Variants in HCN4 observed in about 807,000 individuals in gnomAD.
HCN4 encodes the protein hyperpolarization activated cyclic nucleotide gated potassium channel 4, also known as potassium/sodium hyperpolarization-activated cyclic nucleotide-gated channel 4.
In HCN4, 29 loss-of-function variants were observed where a neutral mutation model predicts 76.9. That is an observed-to-expected ratio of 0.38 (90% CI 0.28 to 0.51). HCN4 has a LOEUF of 0.51. Ranked by LOEUF, HCN4 falls within the 20% of genes least tolerant of loss-of-function variation. HCN4 has a pLI of 0.90. For synonymous variants in HCN4, 772 were observed against 762.5 expected (o/e 1.01, Z -0.21); for missense variants, 1,416 against 1,715.2 (o/e 0.83, Z 3.08).
At chr15:73,336,243 A>G (rs1247275744) in intron 2 of HCN4, among the ~76,000 whole-genome samples, 3 of 152,120 alleles carry the variant, frequency 2.0e-5, no homozygotes, top group African/African-American at 7.2e-5. Flanking sequence ...GGCAGCAGGA[A>G]TTCTGCTGAA....
intron 1 of HCN4, among the ~76,000 whole-genome samples, chr15:73,353,009 G>C (rs1253681182): frequency 9.9e-6 from 1 of 100,674 alleles, no homozygotes; most frequent in Non-Finnish European, 2.4e-5. Context: ...TGGACAGATG[G>C]ATGGATGGAT....
intron 4 of HCN4, among the ~76,000 whole-genome samples, chr15:73,327,802 C>G (rs927034004): frequency 2.6e-5 from 4 of 152,156 alleles, no homozygotes; most frequent in African/African-American, 9.7e-5. Context: ...CCTTCTCCTT[C>G]CTCTGCTTCC....
rs769526558 is a variant in HCN4, at chr15:73,329,579, CT to C, written c.1583del (p.Gln528ArgfsTer46). On this transcript the variant is annotated frameshift_variant, in exon 4 of 8. Transcript: ENST00000261917. LOFTEE classifies it high-confidence loss of function. ...QSLDSSRRQY[Q>X]EKYKQVEQYM... ...GCTCCCTGGGTAGACCTACCTTTTC[CT>C]GGTACTGGCGCCGGGAGGAGTCCAG... 6.2e-7 allele frequency: 1 copy of C among 1,614,050 alleles called. No homozygotes were observed. Among genetic ancestry groups the C allele is most frequent in the Non-Finnish European group, 8.5e-7 (1 of 1,179,978 alleles).
At chr15:73,349,765 C>T (rs558971032) in intron 1 of HCN4, among the ~76,000 whole-genome samples, 9 of 152,336 alleles carry the variant, frequency 5.9e-5, no homozygotes, top group African/African-American at 1.7e-4. Context: ...GCTGCTACCT[C>T]CTGCCTGTGG....
Position 73,367,500 on chromosome 15 carries a change from G to T in HCN4, c.771C>A (p.Pro257=). 1 of 1,613,780 alleles carries T rather than the reference G, an allele frequency of 6.2e-7. No individual in the cohort carries two copies. The highest frequency in any genetic ancestry group is 2.2e-5 in the East Asian group (1 of 44,872). The change falls in exon 1 of 8, where the codon CCC becomes CCA. Residue 257 remains proline, a synonymous_variant. Transcript: ENST00000261917. This position sits in a 1 kb window ranked among gnomAD's most constrained non-coding sequence, Gnocchi z 7.5. ...VKSAGFWIIH[P]YSDFRFYWDL... ...TGGCCCCTTACCTGAAGTCACTGTA[G>T]GGGTGGATAATCCAAAATCCGGCCG... is the stretch of plus-strand genomic sequence containing the variant.
chr15:73,322,709 G>A lies in HCN4; in HGVS notation c.3384C>T (p.Gly1128=). 6.4e-6 allele frequency: 10 copies of A among 1,567,256 alleles called. No homozygotes were observed. The highest frequency in any genetic ancestry group is 8.6e-6 in the Non-Finnish European group (10 of 1,156,542). ...GACCGAGGCCCCCGCTGCTCCCACT[G>A]CCCCCGCTGCCACCCCCAGCCCTGG... ...LFPRAGGGSG[G]SGSSGGLGPP... is the part of the protein sequence containing the mutation. Residue 1128 remains glycine (G), a synonymous_variant, in exon 8 of 8, where the codon GGC becomes GGT. Coordinates refer to ENST00000261917, the MANE Select transcript of HCN4 (RefSeq NM_005477.3).
At position 73,325,202 on chromosome 15, in the gene HCN4, G is replaced by T; in HGVS notation, c.1738-7C>A. 1 of 1,614,122 alleles carries T rather than the reference G, an allele frequency of 6.2e-7. No individual in the cohort carries two copies. Among genetic ancestry groups the T allele is most frequent in the Non-Finnish European group, 8.5e-7 (1 of 1,179,962 alleles). On this transcript the variant is annotated splice_polypyrimidine_tract_variant and splice_region_variant and intron_variant, in intron 5 of 7. Transcript: ENST00000261917. The surrounding 1 kb of genome is among the most constrained non-coding windows in gnomAD (Gnocchi z 7.4). Reference sequence around the variant, plus strand: ...AGTTAAAGTTGATGATCTCCTGCCGGACAGGGTGGATTGGGACACGGGAAG... The same window carrying T: ...AGTTAAAGTTGATGATCTCCTGCCGTACAGGGTGGATTGGGACACGGGAAG...
In HCN4 at chr15:73,323,420, C is replaced by T. The variant is rs191092709; in HGVS notation, c.2673G>A (p.Ser891=). The change falls in exon 8 of 8, where the codon TCG becomes TCA. Residue 891 remains serine (S), a synonymous_variant. Transcript: ENST00000261917. ...SPPPGACGSP[S]APTPSAGVAA... ...CTACGCCAGCTGATGGTGTGGGAGC[C>T]GAGGGGGAGCCACAGGCCCCGGGGG... 1.1e-3 allele frequency: 1,828 copies of T among 1,604,210 alleles called. 21 individuals carry two copies. The African/African-American group carries it at 0.022, about 20-fold the overall frequency.
At chr15:73,363,385 G>C (rs2043115153) in intron 1 of HCN4, among the ~76,000 whole-genome samples, 1 of 152,194 alleles carries the variant, frequency 6.6e-6, no homozygotes, top group Non-Finnish European at 1.5e-5. Context: ...CTAACTCTGA[G>C]CCCTGTTTTT....
In HCN4 at chr15:73,326,255, C is replaced by G. The variant is rs1203337082; in HGVS notation, c.1591-811G>C. Among the ~76,000 whole-genome samples the G allele has an allele frequency of 2.0e-5, 3 of 152,158 alleles. No homozygotes were observed. The South Asian group carries it at 6.2e-4, about 32-fold the overall frequency. On this transcript the variant is annotated intron_variant, in intron 4 of 7. Transcript: ENST00000261917. ...CCCGGATGGGAAGTAGAGGAAGTCCCTATCACCCCAGCAGCAATCAGAAAC... is the reference window on the plus strand; with the variant it reads ...CCCGGATGGGAAGTAGAGGAAGTCCGTATCACCCCAGCAGCAATCAGAAAC...
At position 73,322,342 on chromosome 15, in the gene HCN4, T is replaced by C; in HGVS notation, c.*139A>G. The C allele has an allele frequency of 1.3e-6, 1 of 794,018 alleles. No individual in the cohort carries two copies. Among genetic ancestry groups the C allele is most frequent in the South Asian group, 1.5e-5 (1 of 65,598 alleles). 49.2% of individuals were successfully genotyped at this position (794,018 alleles called of 1,614,324 possible). A position where few individuals can be genotyped will look rare whatever the true frequency, so the allele number is the denominator to read the frequency against. On this transcript the variant is annotated 3_prime_UTR_variant, in exon 8 of 8. Coordinates refer to ENST00000261917, the MANE Select transcript of HCN4 (RefSeq NM_005477.3). Reference sequence around the variant, plus strand: ...GCTCTAAGAATACCTGGTTATTTTCTGCTGTCTTTTGTTTTTCTGGTGTGT... The same window carrying C: ...GCTCTAAGAATACCTGGTTATTTTCCGCTGTCTTTTGTTTTTCTGGTGTGT...
Position 73,323,942 on chromosome 15 carries a change from C to G in HCN4, c.2151G>C (p.Lys717Asn), listed in dbSNP as rs1360972645. 3 of 1,605,122 alleles carry G rather than the reference C, an allele frequency of 1.9e-6. No homozygotes were observed. The highest frequency in any genetic ancestry group is 3.3e-5 in the Admixed American group (2 of 60,000). The change falls in exon 8 of 8, where the codon AAG (lysine) becomes AAC (asparagine). Residue 717 changes from lysine to asparagine, a missense_variant. Transcript: ENST00000261917. ...ALDRLDRIGK[K>N]NSILLHKVQH... ...GGACTTTGTGGAGGAGGATGGAGTT[C>G]TTCTTGCCTGGGCCACAGAACAAGA... is the stretch of plus-strand genomic sequence containing the variant.
intron 1 of HCN4, among the ~76,000 whole-genome samples, chr15:73,355,848 A>G (rs2043076411): frequency 6.6e-6 from 1 of 152,174 alleles, no homozygotes; most frequent in African/African-American, 2.4e-5. Flanking sequence ...ATGTTCCCTC[A>G]GGCCAGGGCC....
chr15:73,343,136 G>A lies in HCN4; in HGVS notation c.1209+249C>T, dbSNP rs547491185. Reference sequence around the variant, plus strand: ...AATATTTCTGTCTGTTTCTTCAGGTGAAAAATGAGTATATACATGTACCTA... The same window carrying A: ...AATATTTCTGTCTGTTTCTTCAGGTAAAAAATGAGTATATACATGTACCTA... On this transcript the variant is annotated intron_variant, in intron 2 of 7. Transcript: ENST00000261917. The surrounding 1 kb of genome is among the most constrained non-coding windows in gnomAD (Gnocchi z 5.7). Among the ~76,000 whole-genome samples, 62 of 152,316 alleles carry A rather than the reference G, an allele frequency of 4.1e-4. No individual in the cohort carries two copies. The highest frequency in any genetic ancestry group is 5.3e-4 in the Non-Finnish European group (36 of 68,028).
At chr15:73,330,548 G>A (rs1347047595) in intron 3 of HCN4, among the ~76,000 whole-genome samples, 1 of 152,220 alleles carries the variant, frequency 6.6e-6, no homozygotes, top group East Asian at 1.9e-4. Flanking sequence ...CCCTCACATA[G>A]AGAGGACACT....
At chr15:73,327,531 C>T (rs1338802603) in intron 4 of HCN4, among the ~76,000 whole-genome samples, 1 of 152,022 alleles carries the variant, frequency 6.6e-6, no homozygotes, top group Non-Finnish European at 1.5e-5. Context: ...AGGCTGGGCA[C>T]TGGTGCTGGC....
At position 73,325,280 on chromosome 15, in the gene HCN4, G is replaced by A; in HGVS notation, c.1737+18C>T. The A allele has an allele frequency of 6.2e-7, 1 of 1,614,138 alleles. No homozygotes were observed. Among genetic ancestry groups the A allele is most frequent in the Non-Finnish European group, 8.5e-7 (1 of 1,180,012 alleles). On this transcript the variant is annotated intron_variant, in intron 5 of 7. Coordinates refer to ENST00000261917, the MANE Select transcript of HCN4 (RefSeq NM_005477.3). The surrounding 1 kb of genome is among the most constrained non-coding windows in gnomAD (Gnocchi z 7.4). Reference sequence around the variant, plus strand: ...GAAGGCCTGGCTCCCCTCCACGCCGGGCCGCCACACAGCTCACCTCCCGCA... The same window carrying A: ...GAAGGCCTGGCTCCCCTCCACGCCGAGCCGCCACACAGCTCACCTCCCGCA...
rs546906345 is a variant in HCN4, at chr15:73,333,339, C to T, written c.1210-1047G>A. Among the ~76,000 whole-genome samples, 10 of 152,212 alleles carry T rather than the reference C, an allele frequency of 6.6e-5. No individual in the cohort carries two copies. In the South Asian group the frequency reaches 1.4e-3, roughly 22 times the overall value. ...GAAGTGGGTCTAGCCACCCAGCCCC[C>T]ATTCTCATCCCTCCATACTATTCCC... On this transcript the variant is annotated intron_variant, in intron 2 of 7. Coordinates refer to ENST00000261917, the MANE Select transcript of HCN4 (RefSeq NM_005477.3).
chr15:73,343,266 G>C lies in HCN4; in HGVS notation c.1209+119C>G. ...ACTTACTAGTATTTGTCCTCTTGGA[G>C]CAGGTGTGCCTGCCACAATCTGACA... On this transcript the variant is annotated intron_variant, in intron 2 of 7. Transcript: ENST00000261917. This position sits in a 1 kb window ranked among gnomAD's most constrained non-coding sequence, Gnocchi z 5.7. The C allele has an allele frequency of 3.2e-6, 3 of 928,402 alleles. No individual in the cohort carries two copies. The highest frequency in any genetic ancestry group is 5.1e-6 in the Non-Finnish European group (3 of 584,398). The allele number at this position is 928,402 out of a possible 1,614,324, so 57.5% of individuals were successfully genotyped here. A position where few individuals can be genotyped will look rare whatever the true frequency, so the allele number is the denominator to read the frequency against.
Sources: gnomAD v4.1 joint callset for allele counts (sites outside exome capture counted in the v4.1 genomes callset) on GRCh38, gnomAD v4.1.1 for gene constraint, Gnocchi (gnomAD v3.1) non-coding constraint, MANE v1.5 for transcripts, NCBI Gene and HGNC (gene_info 2026-07-23, HGNC 2026-07-21) for gene names.